Variants in RANBP3 observed in about 807,000 individuals in gnomAD.
RANBP3 encodes RAN binding protein 3.
A neutral mutation model predicts 77.3 loss-of-function variants in RANBP3; 14 were observed. The ratio of observed to expected loss-of-function variants is 0.18; its 90% CI spans 0.12 to 0.28. RANBP3 has a LOEUF of 0.28. Among genes scored for constraint, RANBP3 ranks in the 10% least tolerant of loss-of-function variants. The pLI, the probability that RANBP3 is intolerant of heterozygous loss-of-function variation, is 1.00. For synonymous variants in RANBP3, 315 were observed against 312.4 expected (o/e 1.01, Z -0.09); for missense variants, 586 against 752.3 (o/e 0.78, Z 2.59).
At chr19:5,927,562 G>A (rs1318616137) in intron 9 of RANBP3, among the ~76,000 whole-genome samples, 1 of 152,222 alleles carries the variant, frequency 6.6e-6, no homozygotes, top group African/African-American at 2.4e-5. Flanking sequence ...TGGTCCAGCC[G>A]TAATGCTGCT....
In RANBP3 at chr19:5,923,371, G is replaced by A. The variant is rs774336059; in HGVS notation, c.1100-68C>T. The A allele has an allele frequency of 7.0e-5, 103 of 1,473,816 alleles. 1 individual carries two copies. Among genetic ancestry groups the A allele is most frequent in the South Asian group, 3.8e-4 (33 of 87,260 alleles). 91.3% of individuals were successfully genotyped at this position (1,473,816 alleles called of 1,614,324 possible). On this transcript the variant is annotated intron_variant, in intron 12 of 16. Transcript: ENST00000340578. ...AGAGGAGAGCCATCTCCCCTCATCCGACAGGAGATGAGAGGGTTGGTTCTG... is the reference window on the plus strand; with the variant it reads ...AGAGGAGAGCCATCTCCCCTCATCCAACAGGAGATGAGAGGGTTGGTTCTG...
chr19:5,927,443 G>A lies in RANBP3; in HGVS notation c.813+525C>T, dbSNP rs184284526. ...CTACTCCACAGGGAATACTGGCCAC[G>A]TCTGGGGACATTTGTGGTTGTCAGA... On this transcript the variant is annotated intron_variant, in intron 9 of 16. Coordinates refer to ENST00000340578, the MANE Select transcript of RANBP3 (RefSeq NM_007322.3). Among the ~76,000 whole-genome samples the A allele has an allele frequency of 5.3e-5, 8 of 152,318 alleles. No individual in the cohort carries two copies. The East Asian group carries it at 1.3e-3, about 26-fold the overall frequency.
chr19:5,933,018 T>C, intron 6 of RANBP3: 1 of 254,166 alleles, frequency 3.9e-6, no homozygotes, highest in East Asian at 9.5e-5. Context: ...CCCGGCAGCC[T>C]CACTAGCAGC....
chr19:5,955,150 G>T (rs1234432321), intron 2 of RANBP3, among the ~76,000 whole-genome samples: 5 of 151,856 alleles, frequency 3.3e-5, no homozygotes, highest in Non-Finnish European at 5.9e-5. Flanking sequence ...AATTTTTTTT[G>T]AGATGGAGTC....
intron 2 of RANBP3, among the ~76,000 whole-genome samples, chr19:5,957,029 C>T (rs547374271): frequency 2.0e-5 from 3 of 150,358 alleles, no homozygotes; most frequent in Admixed American, 1.3e-4. Context: ...TGGGGAGTGC[C>T]GCCGCTGGGC....
chr19:5,962,429 C>G lies in RANBP3; in HGVS notation c.23-4456G>C, dbSNP rs539968612. 3.3e-5 allele frequency among the ~76,000 whole-genome samples: 5 copies of G among 152,274 alleles called. No individual in the cohort carries two copies. In the East Asian group the frequency reaches 9.7e-4, roughly 29 times the overall value. ...TCTAGAAAGTGGGGCCTCGTCTGTT[C>G]CGTTTCTCTCTGTATTCTCAGTGCC... On this transcript the variant is annotated intron_variant, in intron 1 of 16. Transcript: ENST00000340578.
At chr19:5,947,112 G>A (rs540767646) in intron 3 of RANBP3, among the ~76,000 whole-genome samples, 6 of 152,164 alleles carry the variant, frequency 3.9e-5, no homozygotes, top group Admixed American at 1.3e-4. Flanking sequence ...TCAGGGGTTC[G>A]AGACCAGCCT....
intron 3 of RANBP3, among the ~76,000 whole-genome samples, chr19:5,948,448 A>G (rs1277721174): frequency 1.3e-5 from 2 of 149,880 alleles, no homozygotes; most frequent in Admixed American, 6.6e-5. Context: ...GCGAGACTCC[A>G]TGTCAAAAAA....
intron 5 of RANBP3, 25 bp from the exon 6 acceptor site, chr19:5,933,504 A>G (rs1241665081): frequency 6.2e-7 from 1 of 1,607,206 alleles, no homozygotes. Flanking sequence ...CAAAATATCA[A>G]CAGCAGGCCT....
intron 5 of RANBP3, among the ~76,000 whole-genome samples, chr19:5,940,560 G>C (rs1384787745): frequency 6.6e-6 from 1 of 152,194 alleles, no homozygotes; most frequent in African/African-American, 2.4e-5. Context: ...TGAAAACAAG[G>C]GTGTGGAGGG....
At chr19:5,932,036 AAAAT>A (rs375270559) in intron 7 of RANBP3, among the ~76,000 whole-genome samples, 6 of 151,958 alleles carry the variant, frequency 3.9e-5, no homozygotes, top group Non-Finnish European at 7.4e-5. Context: ...CCCCATCTCC[AAAAT>A]AAATAAATAA....
intron 1 of RANBP3, among the ~76,000 whole-genome samples, chr19:5,969,265 T>C (rs556306233): frequency 5.6e-4 from 85 of 152,244 alleles, no homozygotes; most frequent in African/African-American, 1.9e-3. Flanking sequence ...CAAAACATCC[T>C]CTCTCCTCTG....
chr19:5,962,632 T>C, intron 1 of RANBP3: 2 of 455,908 alleles, frequency 4.4e-6, no homozygotes, highest in South Asian at 3.1e-5. Flanking sequence ...TTGGGACCCC[T>C]GCTGATGGCA....
chr19:5,931,923 T>TGGGGG (rs1317155245), intron 7 of RANBP3, among the ~76,000 whole-genome samples: 6 of 151,944 alleles, frequency 3.9e-5, no homozygotes, highest in Admixed American at 3.9e-4. Context: ...TGGTCCCAGC[T>TGGGGG]ACTTGGGAGG....
At chr19:5,970,926 C>T (rs762355658) in intron 1 of RANBP3, among the ~76,000 whole-genome samples, 1 of 152,212 alleles carries the variant, frequency 6.6e-6, no homozygotes, top group Non-Finnish European at 1.5e-5. Flanking sequence ...GTGCTTCCAA[C>T]CATGCCACAA....
rs78471908 is a variant in RANBP3 at position 5,957,864 on chromosome 19, A to T, written c.78+54T>A. The T allele has an allele frequency of 3.5e-4, 560 of 1,587,190 alleles. 1 individual carries two copies. In the African/African-American group the frequency reaches 6.4e-3, roughly 18 times the overall value. On this transcript the variant is annotated intron_variant, in intron 2 of 16. Transcript: ENST00000340578. Reference sequence around the variant, plus strand: ...CGACCTGGAAAAGAGACTCTCAGTAAAGAGAGAACAAATTAGAGTAACGAA... The same window carrying T: ...CGACCTGGAAAAGAGACTCTCAGTATAGAGAGAACAAATTAGAGTAACGAA...
At chr19:5,920,863 C>T in intron 14 of RANBP3, 1 of 174,960 alleles carries the variant, frequency 5.7e-6, no homozygotes, top group Non-Finnish European at 1.2e-5. Flanking sequence ...TTGTCTTTAT[C>T]AAGAGATTAG....
chr19:5,949,476 A>G (rs1018595297), intron 3 of RANBP3, among the ~76,000 whole-genome samples: 9 of 152,236 alleles, frequency 5.9e-5, no homozygotes, highest in African/African-American at 2.2e-4. Context: ...GGGCTTGACA[A>G]TGGCTCTCCT....
In RANBP3 at chr19:5,921,085, C is replaced by T. The variant is rs576522422; in HGVS notation, c.1330+116G>A. 8.1e-6 allele frequency: 11 copies of T among 1,362,372 alleles called. No individual in the cohort carries two copies. The East Asian group carries it at 2.5e-4, about 31-fold the overall frequency. The allele number at this position is 1,362,372 out of a possible 1,614,324, so 84.4% of individuals were successfully genotyped here. On this transcript the variant is annotated intron_variant, in intron 14 of 16. Transcript: ENST00000340578. The surrounding 1 kb of genome is among the most constrained non-coding windows in gnomAD (Gnocchi z 5.3). ...CTCTCATGGGAGACCGACTCTGTGC[C>T]TTGACTCTCACAAGGGTAGGGTCAG...
Sources: allele counts gnomAD v4.1 joint callset (sites outside exome capture counted in the v4.1 genomes callset), GRCh38; gene constraint gnomAD v4.1.1; non-coding constraint Gnocchi (gnomAD v3.1); transcripts MANE v1.5; gene names NCBI Gene and HGNC (gene_info 2026-07-23, HGNC 2026-07-21).